GLB1L2: variants seen among roughly 807,000 people sequenced by gnomAD.
GLB1L2 encodes the protein beta-galactosidase-1-like protein 2.
Under a neutral mutation model 84.1 loss-of-function variants are expected in GLB1L2, and 68 were observed. The observed-to-expected ratio is 0.81, with a 90% CI of 0.67 to 0.99. The LOEUF is 0.99. Ranked by LOEUF, GLB1L2 falls within the 50% of genes least tolerant of loss-of-function variation. The pLI is 0.00. For synonymous variants in GLB1L2, 290 were observed against 318.0 expected (o/e 0.91, Z 0.94); for missense variants, 762 against 805.6 (o/e 0.95, Z 0.66).
At chr11:134,332,667 G>A (rs1943320011) in intron 1 of GLB1L2, among the ~76,000 whole-genome samples, 1 of 152,162 alleles carries the variant, frequency 6.6e-6, no homozygotes, top group Admixed American at 6.5e-5. Context: ...GGGCCTCCAA[G>A]ATCCCGGGCC....
Position 134,375,209 on chromosome 11 carries a change from G to C in GLB1L2, c.*151G>C. The C allele has an allele frequency of 1.6e-6, 1 of 620,380 alleles. No homozygotes were observed. The highest frequency in any genetic ancestry group is 2.1e-5 in the South Asian group (1 of 48,278). 38.4% of individuals were successfully genotyped at this position (620,380 alleles called of 1,614,324 possible). On this transcript the variant is annotated 3_prime_UTR_variant, in exon 19 of 19. Coordinates refer to ENST00000535456, the MANE Select transcript of GLB1L2 (RefSeq NM_001370461.1). ...GGGGCTACAGTCTGCCCCTGTCTCAGCTCAAAACCCTAAGCCTGCAGGGAA... is the reference window on the plus strand; with the variant it reads ...GGGGCTACAGTCTGCCCCTGTCTCACCTCAAAACCCTAAGCCTGCAGGGAA...
At chr11:134,332,704 T>C (rs1308979958) in intron 1 of GLB1L2, among the ~76,000 whole-genome samples, 1 of 152,202 alleles carries the variant, frequency 6.6e-6, no homozygotes, top group Non-Finnish European at 1.5e-5. Flanking sequence ...GTAGGACTGA[T>C]AGGTCGTCTC....
chr11:134,340,340 CCT>C (rs1038496013), intron 1 of GLB1L2, among the ~76,000 whole-genome samples: 27 of 152,184 alleles, frequency 1.8e-4, no homozygotes, highest in Admixed American at 1.7e-3. Flanking sequence ...TCAAAATGCC[CCT>C]GTTTTTAAGA....
At chr11:134,358,502 T>A (rs2136278450) in intron 6 of GLB1L2, among the ~76,000 whole-genome samples, 1 of 152,386 alleles carries the variant, frequency 6.6e-6, no homozygotes, top group African/African-American at 2.4e-5. Flanking sequence ...CTCTCTGCTT[T>A]ACAGCTGGGA....
chr11:134,350,686 C>G (rs73604961), intron 5 of GLB1L2, among the ~76,000 whole-genome samples: 10,174 of 152,224 alleles, frequency 0.067, 855 homozygotes, highest in East Asian at 0.32. Flanking sequence ...AACGGTGCAG[C>G]CTTCTATTCC....
intron 10 of GLB1L2, among the ~76,000 whole-genome samples, 198 bp from the exon 11 acceptor site, chr11:134,369,607 A>ACAAGCGATCCT (rs1248986326): frequency 7.2e-5 from 11 of 152,068 alleles, no homozygotes; most frequent in Admixed American, 2.6e-4. Flanking sequence ...GAGCCGCTGC[A>ACAAGCGATCCT]CCTGGCCTTA....
chr11:134,371,919 T>C, intron 15 of GLB1L2, 89 bp downstream of exon 15: 1 of 1,290,920 alleles, frequency 7.7e-7, no homozygotes, highest in Non-Finnish European at 1.1e-6. Context: ...CACCAGGCCA[T>C]GGAGGCCTCT....
chr11:134,357,922 A>G (rs1368285869), intron 6 of GLB1L2, among the ~76,000 whole-genome samples: 1 of 152,176 alleles, frequency 6.6e-6, no homozygotes, highest in Non-Finnish European at 1.5e-5. Context: ...GTGTGTGTGT[A>G]TGTGGTAGGG....
rs745359050 is a variant in GLB1L2 at position 134,359,139 on chromosome 11, G to T, written c.731G>T (p.Gly244Val). 99 of 1,598,340 alleles carry T rather than the reference G, an allele frequency of 6.2e-5. No homozygotes were observed. The South Asian group carries it at 7.8e-4, about 13-fold the overall frequency. ...GGGCTGAGCAAGGGGATTGTCCAGG[G>T]AGGTAACTGCACTTGTGTTGGGCCG... ...KDGLSKGIVQGVLATINLQST... is the reference protein window; with the variant it reads ...KDGLSKGIVQVVLATINLQST... Residue 244 changes from glycine to valine, a missense_variant and splice_region_variant, in exon 7 of 19, where the codon GGA (glycine) becomes GTA (valine). This residue lies in a region of GLB1L2 where 603 missense variants were observed against 611.7 expected (regional missense o/e 0.99). Transcript: ENST00000535456.
chr11:134,373,877 C>A, intron 16 of GLB1L2, 69 bp downstream of exon 16: 1 of 1,162,334 alleles, frequency 8.6e-7, no homozygotes, highest in South Asian at 1.4e-5. Flanking sequence ...CCCAGGGGTC[C>A]CTGGTGCACC....
Position 134,345,106 on chromosome 11 carries a change from G to A in GLB1L2, c.426G>A (p.Glu142=), listed in dbSNP as rs377564392. 25 of 1,613,080 alleles carry A rather than the reference G, an allele frequency of 1.5e-5. No homozygotes were observed. The African/African-American group carries it at 2.9e-4, about 19-fold the overall frequency. ...GTCCAGGCCCCTACATCTGCAGTGAGATGGACCTCGGGGGCTTGCCCAGGT... is the reference window on the plus strand; with the variant it reads ...GTCCAGGCCCCTACATCTGCAGTGAAATGGACCTCGGGGGCTTGCCCAGGT... ...ILRPGPYICS[E]MDLGGLPSWL... Residue 142 remains glutamate (E), a synonymous_variant, in exon 4 of 19, where the codon GAG becomes GAA. Transcript: ENST00000535456.
At chr11:134,336,633 T>C (rs1943392045) in intron 1 of GLB1L2, among the ~76,000 whole-genome samples, 1 of 152,200 alleles carries the variant, frequency 6.6e-6, no homozygotes, top group South Asian at 2.1e-4. Flanking sequence ...ACATTTTATT[T>C]CTGTTGGATC....
chr11:134,344,808 G>A (rs536321193), intron 3 of GLB1L2, among the ~76,000 whole-genome samples: 2 of 152,380 alleles, frequency 1.3e-5, no homozygotes, highest in South Asian at 4.1e-4. Flanking sequence ...ACTGAGCCCT[G>A]GGTGTCACCC....
chr11:134,371,094 G>A lies in GLB1L2; in HGVS notation c.1302G>A (p.Glu434=). 1.2e-6 allele frequency: 2 copies of A among 1,614,208 alleles called. No individual in the cohort carries two copies. The highest frequency in any genetic ancestry group is 1.7e-6 in the Non-Finnish European group (2 of 1,180,046). ...AGTCCTTCGGGTACATTCTCTATGA[G>A]ACCAGCATCACCTCGTCTGGCATCC... ...NGQSFGYILY[E]TSITSSGILS... is the part of the protein sequence containing the mutation. The change falls in exon 13 of 19, where the codon GAG becomes GAA. Residue 434 remains glutamate, a synonymous_variant. Coordinates refer to ENST00000535456, the MANE Select transcript of GLB1L2 (RefSeq NM_001370461.1).
rs74527899 is a variant in GLB1L2, at chr11:134,371,932, C to T, written c.1507+102C>T. 12,511 of 1,146,654 alleles carry T rather than the reference C, an allele frequency of 0.011. 754 individuals carry two copies. In the African/African-American group the frequency reaches 0.15, roughly 13 times the overall value. 71.0% of individuals were successfully genotyped at this position (1,146,654 alleles called of 1,614,324 possible). ...GCCACCAGGCCATGGAGGCCTCTTG[C>T]AGGGAGGTGGAGGCTGGGTTGTCCC... is the stretch of plus-strand genomic sequence containing the variant. On this transcript the variant is annotated intron_variant, in intron 15 of 18. Transcript: ENST00000535456.
chr11:134,370,310 C>A lies in GLB1L2; in HGVS notation c.1126C>A (p.Pro376Thr). 6.2e-7 allele frequency: 1 copy of A among 1,613,920 alleles called. No homozygotes were observed. The highest frequency in any genetic ancestry group is 8.5e-7 in the Non-Finnish European group (1 of 1,179,944). The change falls in exon 12 of 19, where the codon CCA (proline) becomes ACA (threonine). Residue 376 changes from proline to threonine, a missense_variant. By Grantham distance (38) the Pro-to-Thr change is conservative. This residue lies in a region of GLB1L2 where 603 missense variants were observed against 611.7 expected (regional missense o/e 0.99). Coordinates refer to ENST00000535456, the MANE Select transcript of GLB1L2 (RefSeq NM_001370461.1). This position sits in a 1 kb window ranked among gnomAD's most constrained non-coding sequence, Gnocchi z 4.7. ...GSISGIPLPP[P>T]PDLLPKMPYE... ...TGTTGCAGGCATCCCTCTCCCTCCC[C>A]CACCTGACCTTCTTCCCAAGATGCC...
intron 8 of GLB1L2, 75 bp from the exon 9 acceptor site, chr11:134,367,182 C>A: frequency 8.3e-7 from 1 of 1,204,692 alleles, no homozygotes; most frequent in Non-Finnish European, 1.2e-6. Context: ...GATCCTGGGG[C>A]TCCCCTCCAT....
chr11:134,365,844 G>A (rs11603105), intron 8 of GLB1L2, among the ~76,000 whole-genome samples: 38,123 of 152,124 alleles, frequency 0.25, 5,425 homozygotes, highest in East Asian at 0.5. Flanking sequence ...TCCATGTGGC[G>A]ATGTCCGATA....
chr11:134,346,742 G>T (rs1170768510), intron 4 of GLB1L2: 1 of 153,830 alleles, frequency 6.5e-6, no homozygotes, highest in South Asian at 2.0e-4. Flanking sequence ...AATCCACGCT[G>T]CTGTGTTCCT....
Sources: allele counts gnomAD v4.1 joint callset (sites outside exome capture counted in the v4.1 genomes callset), GRCh38; gene constraint gnomAD v4.1.1; regional missense constraint gnomAD v4.1.1; non-coding constraint Gnocchi (gnomAD v3.1); transcripts MANE v1.5; gene names NCBI Gene and HGNC (gene_info 2026-07-23, HGNC 2026-07-21).